Variants in SRSF11 observed in about 807,000 individuals in gnomAD.
SRSF11 encodes serine/arginine-rich splicing factor 11.
SRSF11 carries 9 observed loss-of-function variants against 56.0 expected under a neutral mutation model. That is an observed-to-expected ratio of 0.16 (90% CI 0.10 to 0.28). The LOEUF (loss-of-function observed/expected upper bound fraction) is 0.28. Among genes scored for constraint, SRSF11 ranks in the 10% least tolerant of loss-of-function variants. SRSF11 has a pLI of 1.00. For missense variants in SRSF11, 421 were observed against 600.7 expected, an observed-to-expected ratio of 0.70 and a Z score of 3.13; for synonymous variants, 222 against 215.3, an observed-to-expected ratio of 1.03 and a Z score of -0.27.
chr1:70,225,691 C>G (rs1671624927), intron 1 of SRSF11, among the ~76,000 whole-genome samples: 1 of 152,072 alleles, frequency 6.6e-6, no homozygotes, highest in African/African-American at 2.4e-5. Context: ...TGAAATAGCC[C>G]TCAGAGGACA....
upstream of SRSF11, among the ~76,000 whole-genome samples, chr1:70,218,182 A>C (rs1034584241): frequency 6.6e-6 from 1 of 151,892 alleles, no homozygotes; most frequent in Non-Finnish European, 1.5e-5. Context: ...GTTAGCCAGG[A>C]TGGTCTTGAT....
intron 1 of SRSF11, among the ~76,000 whole-genome samples, chr1:70,227,557 C>T (rs1487576757): frequency 6.6e-6 from 1 of 152,108 alleles, no homozygotes; most frequent in African/African-American, 2.4e-5. Flanking sequence ...TGCCTTAGGG[C>T]ACTAGCTTTC....
Position 70,221,433 on chromosome 1 carries a change from A to T in SRSF11, c.-204A>T. On this transcript the variant is annotated 5_prime_UTR_variant, in exon 1 of 12. Transcript: ENST00000370949. Reference sequence around the variant, plus strand: ...GGCCGTTTGTTTTCTCGTGGTCTCGAGCTCGCGCGCTCTCATCCCCTCCCC... The same window carrying T: ...GGCCGTTTGTTTTCTCGTGGTCTCGTGCTCGCGCGCTCTCATCCCCTCCCC... The T allele has an allele frequency of 1.6e-6, 1 of 643,084 alleles. No homozygotes were observed. The highest frequency in any genetic ancestry group is 2.6e-6 in the Non-Finnish European group (1 of 391,454). 39.8% of individuals were successfully genotyped at this position (643,084 alleles called of 1,614,324 possible). A position where few individuals can be genotyped will look rare whatever the true frequency, so the allele number is the denominator to read the frequency against.
chr1:70,216,257 A>G (rs1440170392), intron 1 of SRSF11, among the ~76,000 whole-genome samples: 2 of 152,082 alleles, frequency 1.3e-5, no homozygotes, highest in Non-Finnish European at 2.9e-5. Context: ...TTTCCTGCCA[A>G]TATCACGCAC....
intron 7 of SRSF11, among the ~76,000 whole-genome samples, chr1:70,241,483 T>C (rs2100898815): frequency 1.3e-5 from 2 of 152,300 alleles, no homozygotes; most frequent in Middle Eastern, 3.4e-3. Context: ...GAAACCCAAA[T>C]ACAGATCATG....
At chr1:70,215,888 T>A (rs1279900469) in intron 1 of SRSF11, among the ~76,000 whole-genome samples, 2 of 152,186 alleles carry the variant, frequency 1.3e-5, no homozygotes, top group Non-Finnish European at 1.5e-5. Context: ...GTTCAAGCAA[T>A]TCTTCCTCCT....
At position 70,241,523 on chromosome 1, in the gene SRSF11, T is replaced by C. The variant is rs574813677; in HGVS notation, c.800+2003T>C. Among the ~76,000 whole-genome samples, 9 of 152,308 alleles carry C rather than the reference T, an allele frequency of 5.9e-5. 1 individual carries two copies. In the South Asian group the frequency reaches 1.9e-3, roughly 32 times the overall value. ...AGATACTGAGAAGTTCCTTATTGCCTTGATAAGGTGATACATAAAACCTTA... is the reference window on the plus strand; with the variant it reads ...AGATACTGAGAAGTTCCTTATTGCCCTGATAAGGTGATACATAAAACCTTA... On this transcript the variant is annotated intron_variant, in intron 7 of 11. Coordinates refer to ENST00000370949, the MANE Select transcript of SRSF11 (RefSeq NM_001350605.2).
chr1:70,228,688 G>A (rs988354768), intron 2 of SRSF11, 133 bp downstream of exon 2: 16 of 1,340,852 alleles, frequency 1.2e-5, no homozygotes, highest in South Asian at 2.5e-5. Context: ...ACTGCAGTCC[G>A]TAATTTTTGC....
intron 3 of SRSF11, among the ~76,000 whole-genome samples, chr1:70,233,197 T>G (rs1673196094): frequency 1.3e-5 from 2 of 152,146 alleles, no homozygotes; most frequent in Admixed American, 6.5e-5. Context: ...TTCTTTATTC[T>G]TTGTTCTGTT....
intron 1 of SRSF11, among the ~76,000 whole-genome samples, chr1:70,213,034 C>T (rs937238288): frequency 6.6e-6 from 1 of 151,884 alleles, no homozygotes; most frequent in African/African-American, 2.4e-5. Context: ...GCCTGGGTGA[C>T]AGAACAAGAC....
In SRSF11 at chr1:70,214,800, T is replaced by C. The variant is rs1174349070; in HGVS notation, c.-25-6812T>C. Reference sequence around the variant, plus strand: ...AATCTGATTTTTAAATAGATATTAATATTTATAAAATTGTGTAAATTTATA... The same window carrying C: ...AATCTGATTTTTAAATAGATATTAACATTTATAAAATTGTGTAAATTTATA... On this transcript the variant is annotated intron_variant, in intron 1 of 12. Transcript: ENST00000370950. Among the ~76,000 whole-genome samples, 8 of 152,064 alleles carry C rather than the reference T, an allele frequency of 5.3e-5. No homozygotes were observed. In the East Asian group the frequency reaches 1.5e-3, roughly 29 times the overall value.
intron 2 of SRSF11, chr1:70,230,680 CAG>C (rs1340944651): frequency 2.4e-6 from 3 of 1,238,646 alleles, no homozygotes; most frequent in African/African-American, 1.6e-5. Context: ...TTTTTTTAAT[CAG>C]AGGATCAGAT....
intron 2 of SRSF11, chr1:70,231,130 GC>G (rs1304293237): frequency 1.6e-6 from 2 of 1,289,254 alleles, no homozygotes; most frequent in African/African-American, 3.0e-5. Flanking sequence ...TATATACCAG[GC>G]CCTGCTGAAA....
chr1:70,245,993 A>T (rs949217503), intron 8 of SRSF11, among the ~76,000 whole-genome samples: 3 of 152,144 alleles, frequency 2.0e-5, no homozygotes, highest in Non-Finnish European at 4.4e-5. Context: ...GAGGGAACCA[A>T]TGATAAAGAT....
At chr1:70,230,435 A>G (rs1395108166) in intron 2 of SRSF11, 1 of 1,180,666 alleles carries the variant, frequency 8.5e-7, no homozygotes, top group East Asian at 6.4e-5. Flanking sequence ...TGGTAAAACT[A>G]AGATAGCTGA....
At chr1:70,231,869 G>A (rs966207450) in intron 2 of SRSF11, 7 of 1,487,732 alleles carry the variant, frequency 4.7e-6, no homozygotes, top group Admixed American at 2.0e-5. Flanking sequence ...TGAAGCAGCC[G>A]ACACGAGTCG....
At position 70,228,546 on chromosome 1, in the gene SRSF11, T is replaced by C. The variant is rs778043061; in HGVS notation, c.328T>C (p.Tyr110His). 1.9e-6 allele frequency: 3 copies of C among 1,612,790 alleles called. No homozygotes were observed. Among genetic ancestry groups the C allele is most frequent in the East Asian group, 4.5e-5 (2 of 44,828 alleles). ...FVDRALIVVPYAEGVIPDEAK... is the reference protein window; with the variant it reads ...FVDRALIVVPHAEGVIPDEAK... ...TGACAGAGCTTTGATAGTCGTACCA[T>C]ATGCAGAAGGTTTGTGCTTTGTTTA... is the stretch of plus-strand genomic sequence containing the variant. Residue 110 changes from tyrosine to histidine, a missense_variant, in exon 2 of 12, where the codon TAT (tyrosine) becomes CAT (histidine). Transcript: ENST00000370949.
At chr1:70,229,551 G>A (rs777799807) in intron 2 of SRSF11, 8 of 984,712 alleles carry the variant, frequency 8.1e-6, no homozygotes, top group Admixed American at 6.2e-5. Flanking sequence ...AATTTTACTC[G>A]AATCACTGAA....
In SRSF11 at chr1:70,244,715, C is replaced by T; in HGVS notation, c.832C>T (p.His278Tyr). 1.9e-6 allele frequency: 3 copies of T among 1,614,142 alleles called. No homozygotes were observed. The highest frequency in any genetic ancestry group is 2.5e-6 in the Non-Finnish European group (3 of 1,179,996). ...AAGAAGCAGATCGAGACGGCGGTCA[C>T]ATTCTAAGTCTAGGAGTCGGCGACG... ...RSRSRSRRRS[H>Y]SKSRSRRRSK... Residue 278 changes from histidine to tyrosine, a missense_variant, in exon 8 of 12, where the codon CAT becomes TAT. By Grantham distance (83) the His-to-Tyr change is moderately conservative. This residue lies in a region of SRSF11 where 253 missense variants were observed against 305.8 expected (regional missense o/e 0.83). Transcript: ENST00000370949.
Sources: allele counts gnomAD v4.1 joint callset (sites outside exome capture counted in the v4.1 genomes callset), GRCh38; gene constraint gnomAD v4.1.1; regional missense constraint gnomAD v4.1.1; transcripts MANE v1.5; gene names NCBI Gene and HGNC (gene_info 2026-07-23, HGNC 2026-07-21).